ABHD17C: variants seen among roughly 807,000 people sequenced by gnomAD.
ABHD17C encodes the protein alpha/beta hydrolase domain-containing protein 17C.
In ABHD17C, 11 loss-of-function variants were observed where a neutral mutation model predicts 27.9. The ratio of observed to expected loss-of-function variants is 0.39; its 90% CI spans 0.25 to 0.65. The LOEUF (loss-of-function observed/expected upper bound fraction) is 0.65, where lower values mean the gene tolerates loss of function less well. ABHD17C is among the 30% of genes least tolerant of loss of function. The pLI is 0.45. For missense variants in ABHD17C, 280 were observed against 470.2 expected, an observed-to-expected ratio of 0.60 and a Z score of 3.74; for synonymous variants, 233 against 209.1, an observed-to-expected ratio of 1.11 and a Z score of -0.98.
At chr15:80,736,723 C>T (rs1340909996) in intron 1 of ABHD17C, among the ~76,000 whole-genome samples, 1 of 152,106 alleles carries the variant, frequency 6.6e-6, no homozygotes, top group Non-Finnish European at 1.5e-5. Flanking sequence ...TGGAACTGTG[C>T]CAAGCGTGCT....
intron 1 of ABHD17C, among the ~76,000 whole-genome samples, chr15:80,728,870 C>T (rs1418482370): frequency 6.6e-6 from 1 of 152,158 alleles, no homozygotes; most frequent in Non-Finnish European, 1.5e-5. Context: ...CTCAGCCTCC[C>T]AAAGTGCTGG....
At chr15:80,710,407 T>A (rs1894713162) in intron 1 of ABHD17C, among the ~76,000 whole-genome samples, 1 of 152,002 alleles carries the variant, frequency 6.6e-6, no homozygotes, top group Non-Finnish European at 1.5e-5. Context: ...GGGCTTTGGG[T>A]AGAGGTATGA....
chr15:80,700,488 T>C (rs1404157223), intron 1 of ABHD17C, among the ~76,000 whole-genome samples: 2 of 152,138 alleles, frequency 1.3e-5, no homozygotes, highest in African/African-American at 4.8e-5. Flanking sequence ...GTTGATACAG[T>C]CAGAGAAAGC....
At chr15:80,740,141 G>C (rs1895189257) in intron 1 of ABHD17C, among the ~76,000 whole-genome samples, 1 of 152,116 alleles carries the variant, frequency 6.6e-6, no homozygotes, top group East Asian at 1.9e-4. Context: ...CCTGCCACCT[G>C]CTCAGACCTG....
chr15:80,736,611 A>AC (rs1245356048), intron 1 of ABHD17C, among the ~76,000 whole-genome samples: 9 of 152,180 alleles, frequency 5.9e-5, no homozygotes, highest in Non-Finnish European at 1.3e-4. Context: ...CCTTCAGTTA[A>AC]CATTCACGTT....
intron 1 of ABHD17C, among the ~76,000 whole-genome samples, chr15:80,737,376 G>A (rs552094915): frequency 3.3e-5 from 5 of 152,278 alleles, no homozygotes; most frequent in African/African-American, 9.6e-5. Flanking sequence ...CAAGGTGATG[G>A]TAAACTTCGA....
rs570865666 is a variant in ABHD17C at position 80,714,116 on chromosome 15, G to A, written c.590+18097G>A. 2.0e-5 allele frequency among the ~76,000 whole-genome samples: 3 copies of A among 152,174 alleles called. No homozygotes were observed. In the South Asian group the frequency reaches 6.2e-4, roughly 32 times the overall value. On this transcript the variant is annotated intron_variant, in intron 1 of 2. Coordinates refer to ENST00000258884, the MANE Select transcript of ABHD17C (RefSeq NM_021214.2). Reference sequence around the variant, plus strand: ...CTACAGGTGCAGGGCACCTCACCTGGCTAATTTTTGTATTTTTTTGTAGAG... The same window carrying A: ...CTACAGGTGCAGGGCACCTCACCTGACTAATTTTTGTATTTTTTTGTAGAG...
At chr15:80,700,977 C>G (rs1044230556) in intron 1 of ABHD17C, among the ~76,000 whole-genome samples, 1 of 152,206 alleles carries the variant, frequency 6.6e-6, no homozygotes, top group African/African-American at 2.4e-5. Context: ...AGACCGTGTA[C>G]TACGTACTCT....
intron 1 of ABHD17C, among the ~76,000 whole-genome samples, chr15:80,713,354 CTTTTTTTTTTTTTTT>C (rs67320992): frequency 1.4e-4 from 6 of 43,854 alleles, no homozygotes; most frequent in Admixed American, 4.6e-4. Context: ...AGGTCTTGTT[CTTTTTTTTTTTTTTT>C]TTTTTTTTTT....
At chr15:80,744,822 G>T (rs1261049551) in intron 1 of ABHD17C, among the ~76,000 whole-genome samples, 2 of 152,152 alleles carry the variant, frequency 1.3e-5, no homozygotes, top group African/African-American at 2.4e-5. Flanking sequence ...TCCATGTAAA[G>T]ATTTCTCTTT....
At chr15:80,743,416 G>A (rs1002987636) in intron 1 of ABHD17C, among the ~76,000 whole-genome samples, 7 of 152,138 alleles carry the variant, frequency 4.6e-5, no homozygotes, top group Admixed American at 3.3e-4. Flanking sequence ...AGAAAGCGCT[G>A]TGTGTAGGCC....
chr15:80,726,329 G>C (rs933313991), intron 1 of ABHD17C, among the ~76,000 whole-genome samples: 1 of 152,078 alleles, frequency 6.6e-6, no homozygotes, highest in African/African-American at 2.4e-5. Context: ...TTTGTTTACG[G>C]CCAGTTTTGG....
intron 1 of ABHD17C, among the ~76,000 whole-genome samples, chr15:80,701,126 T>C (rs1000537641): frequency 3.3e-5 from 5 of 152,124 alleles, no homozygotes; most frequent in African/African-American, 1.2e-4. Flanking sequence ...AATTGGAAAA[T>C]CCATGTCACA....
rs1217698960 is a variant in ABHD17C, at chr15:80,749,510, C to T, written c.591-3C>T. ...AATGGCATACAACCTCTGATTTCTC[C>T]AGGTATGGCGTGAGTCCCGAGAACA... On this transcript the variant is annotated splice_region_variant and splice_polypyrimidine_tract_variant and intron_variant, in intron 1 of 2. Coordinates refer to ENST00000258884, the MANE Select transcript of ABHD17C (RefSeq NM_021214.2). 1 of 1,612,546 alleles carries T rather than the reference C, an allele frequency of 6.2e-7. No individual in the cohort carries two copies. Among genetic ancestry groups the T allele is most frequent in the Non-Finnish European group, 8.5e-7 (1 of 1,179,132 alleles).
Position 80,695,698 on chromosome 15 carries a change from A to G in ABHD17C, c.269A>G (p.His90Arg). 2 of 1,530,622 alleles carry G rather than the reference A, an allele frequency of 1.3e-6. No homozygotes were observed. Among genetic ancestry groups the G allele is most frequent in the East Asian group, 2.5e-5 (1 of 40,706 alleles). The allele number at this position is 1,530,622 out of a possible 1,614,324, so 94.8% of individuals were successfully genotyped here. A position where few individuals can be genotyped will look rare whatever the true frequency, so the allele number is the denominator to read the frequency against. Residue 90 changes from histidine to arginine, a missense_variant, in exon 1 of 3, where the codon CAC (histidine) becomes CGC (arginine). This residue lies in a region of ABHD17C where 206 missense variants were observed against 394.7 expected (regional missense o/e 0.52). Coordinates refer to ENST00000258884, the MANE Select transcript of ABHD17C (RefSeq NM_021214.2). The surrounding 1 kb of genome is among the most constrained non-coding windows in gnomAD (Gnocchi z 4.3). Reference protein sequence around the residue: ...AGAGPGACSLHLSERADWQYS... With the variant: ...AGAGPGACSLRLSERADWQYS... ...GCGGGGCCCGGTGCGTGCAGCCTGC[A>G]CCTCAGCGAGCGCGCCGACTGGCAG...
At chr15:80,714,099 G>T (rs1008721839) in intron 1 of ABHD17C, among the ~76,000 whole-genome samples, 1 of 152,264 alleles carries the variant, frequency 6.6e-6, no homozygotes, top group African/African-American at 2.4e-5. Flanking sequence ...GACTACAGGT[G>T]CAGGGCACCT....
At chr15:80,698,125 C>T (rs1398320812) in intron 1 of ABHD17C, among the ~76,000 whole-genome samples, 3 of 143,860 alleles carry the variant, frequency 2.1e-5, no homozygotes, top group East Asian at 2.2e-4. Context: ...AGTGCAGTGG[C>T]GCCATCTTGG....
At chr15:80,737,862 G>T (rs566517622) in intron 1 of ABHD17C, among the ~76,000 whole-genome samples, 1 of 152,154 alleles carries the variant, frequency 6.6e-6, no homozygotes, top group Non-Finnish European at 1.5e-5. Flanking sequence ...AAAAGAAAAT[G>T]TTGGAATAGT....
intron 1 of ABHD17C, among the ~76,000 whole-genome samples, chr15:80,746,436 T>C (rs1233417189): frequency 6.6e-6 from 1 of 152,098 alleles, no homozygotes; most frequent in African/African-American, 2.4e-5. Context: ...ATACTTTCTG[T>C]CTTTTTTTTT....
Sources: allele counts gnomAD v4.1 joint callset (sites outside exome capture counted in the v4.1 genomes callset), GRCh38; gene constraint gnomAD v4.1.1; regional missense constraint gnomAD v4.1.1; non-coding constraint Gnocchi (gnomAD v3.1); transcripts MANE v1.5; gene names NCBI Gene and HGNC (gene_info 2026-07-23, HGNC 2026-07-21).